The following GALNTL6 variants were observed in gnomAD, a reference collection of about 807,000 sequenced individuals.
GALNTL6 encodes polypeptide N-acetylgalactosaminyltransferase-like 6.
GALNTL6 carries 46 observed loss-of-function variants against 73.7 expected under a neutral mutation model. The ratio of observed to expected loss-of-function variants is 0.62; its 90% CI spans 0.49 to 0.80. The LOEUF (loss-of-function observed/expected upper bound fraction) is 0.80, where lower values mean the gene tolerates loss of function less well. GALNTL6 is among the 30% of genes least tolerant of loss of function. GALNTL6 has a pLI of 0.00. For missense variants in GALNTL6, 604 were observed against 755.0 expected (o/e 0.80, Z 2.34); for synonymous variants, 259 against 263.7 (o/e 0.98, Z 0.17).
intron 5 of GALNTL6, among the ~76,000 whole-genome samples, chr4:172,461,962 C>T (rs1172912108): frequency 6.6e-6 from 1 of 152,092 alleles, no homozygotes; most frequent in Non-Finnish European, 1.5e-5. Flanking sequence ...GACTGGGCAG[C>T]ATCCAATATG....
intron 5 of GALNTL6, among the ~76,000 whole-genome samples, chr4:172,623,703 A>G (rs939405242): frequency 1.3e-5 from 2 of 152,108 alleles, no homozygotes; most frequent in African/African-American, 2.4e-5. Flanking sequence ...CTGACATTCT[A>G]CCATGGCCAG....
intron 2 of GALNTL6, among the ~76,000 whole-genome samples, chr4:171,857,339 T>C (rs1735719774): frequency 6.6e-6 from 1 of 152,130 alleles, no homozygotes; most frequent in East Asian, 1.9e-4. Context: ...AACAATGCAC[T>C]ATTAGAAGGG....
intron 2 of GALNTL6, among the ~76,000 whole-genome samples, chr4:172,100,827 C>T (rs1278675415): frequency 2.0e-5 from 3 of 152,018 alleles, no homozygotes; most frequent in African/African-American, 7.2e-5. Context: ...TCTCAATGAC[C>T]CAAAGACTCC....
intron 5 of GALNTL6, among the ~76,000 whole-genome samples, chr4:172,751,643 C>T (rs573519181): frequency 6.6e-6 from 1 of 152,186 alleles, no homozygotes; most frequent in Non-Finnish European, 1.5e-5. Flanking sequence ...TAGGCTGGAT[C>T]CTCATTTTCA....
chr4:172,707,750 G>A (rs1322909881), intron 5 of GALNTL6, among the ~76,000 whole-genome samples: 3 of 152,032 alleles, frequency 2.0e-5, no homozygotes, highest in African/African-American at 7.2e-5. Context: ...TAGCCAACAA[G>A]CAGAGTAATT....
intron 7 of GALNTL6, among the ~76,000 whole-genome samples, chr4:172,858,430 T>C (rs1253639279): frequency 6.6e-6 from 1 of 152,096 alleles, no homozygotes; most frequent in Non-Finnish European, 1.5e-5. Context: ...TTATTTTCAA[T>C]AGGGAAGTCA....
chr4:172,800,710 A>C (rs1344378112), intron 5 of GALNTL6, among the ~76,000 whole-genome samples: 1 of 152,286 alleles, frequency 6.6e-6, no homozygotes, highest in African/African-American at 2.4e-5. Flanking sequence ...CATTGTTATG[A>C]AAATTGATTG....
chr4:172,871,599 T>G (rs201554494), intron 7 of GALNTL6, among the ~76,000 whole-genome samples: 322 of 113,318 alleles, frequency 2.8e-3, no homozygotes, highest in Admixed American at 4.6e-3. Flanking sequence ...GGGGGGGGTG[T>G]GTGTGTGTGA....
At chr4:172,039,678 T>C (rs77648648) in intron 2 of GALNTL6, among the ~76,000 whole-genome samples, 15,176 of 152,104 alleles carry the variant, frequency 0.1, 923 homozygotes, top group Non-Finnish European at 0.14. Context: ...CAGTCAAAAG[T>C]GCAGAAGAAA....
At chr4:172,980,396 T>A (rs143441669) in intron 10 of GALNTL6, among the ~76,000 whole-genome samples, 1 of 152,320 alleles carries the variant, frequency 6.6e-6, no homozygotes, top group Non-Finnish European at 1.5e-5. Flanking sequence ...TTTTTTATCA[T>A]CACAGCCTGA....
chr4:172,856,872 G>C (rs931744385), intron 7 of GALNTL6, among the ~76,000 whole-genome samples: 2 of 152,132 alleles, frequency 1.3e-5, no homozygotes, highest in African/African-American at 4.8e-5. Flanking sequence ...TTACAGTTAA[G>C]TGCCTGACTC....
At chr4:172,912,487 G>A (rs574515606) in intron 8 of GALNTL6, among the ~76,000 whole-genome samples, 90 of 152,262 alleles carry the variant, frequency 5.9e-4, no homozygotes, top group Middle Eastern at 3.4e-3. Context: ...CATGACAGAC[G>A]GTACCTGCAA....
chr4:172,155,585 C>T (rs1734230312), intron 2 of GALNTL6, among the ~76,000 whole-genome samples: 1 of 152,156 alleles, frequency 6.6e-6, no homozygotes. Flanking sequence ...TTTAATGCCA[C>T]TAGCTTAAAA....
At chr4:172,194,823 TAC>T (rs1266472087) in intron 2 of GALNTL6, among the ~76,000 whole-genome samples, 13 of 152,152 alleles carry the variant, frequency 8.5e-5, no homozygotes, top group Non-Finnish European at 1.6e-4. Context: ...GAAAAACTGT[TAC>T]TAGCCACTAC....
intron 2 of GALNTL6, among the ~76,000 whole-genome samples, chr4:172,011,461 C>T (rs1741004182): frequency 6.6e-6 from 1 of 151,970 alleles, no homozygotes; most frequent in Non-Finnish European, 1.5e-5. Flanking sequence ...AATGCAAGAA[C>T]CTTTAGAAAG....
chr4:172,596,318 G>A (rs766591560), intron 5 of GALNTL6, among the ~76,000 whole-genome samples: 13 of 152,072 alleles, frequency 8.5e-5, no homozygotes, highest in Admixed American at 2.6e-4. Flanking sequence ...TTAGCTAGGC[G>A]TGGTGGCCTG....
rs115764321 is a variant in GALNTL6 at position 172,374,665 on chromosome 4, G to T, written c.553+25976G>T. On this transcript the variant is annotated intron_variant, in intron 5 of 12. Transcript: ENST00000506823. The stretch of plus-strand genomic sequence containing the variant: ...TGTGATCTGAGTCGAGGTCTTAGTG[G>T]GGATCCATACTGGGGATGGCTTGTT... Among the ~76,000 whole-genome samples, 1,245 of 152,220 alleles carry T rather than the reference G, an allele frequency of 8.2e-3. 15 individuals carry two copies. The highest frequency in any genetic ancestry group is 0.028 in the African/African-American group (1,173 of 41,530).
chr4:172,548,291 G>C (rs1173858288), intron 5 of GALNTL6, among the ~76,000 whole-genome samples: 1 of 152,120 alleles, frequency 6.6e-6, no homozygotes, highest in African/African-American at 2.4e-5. Context: ...ATAACATTCT[G>C]CAAGACCTTC....
intron 5 of GALNTL6, among the ~76,000 whole-genome samples, chr4:172,808,028 G>A (rs772851772): frequency 2.6e-5 from 4 of 152,028 alleles, no homozygotes; most frequent in Non-Finnish European, 5.9e-5. Context: ...TCACCATGTC[G>A]GTCAGGCTGG....
Sources: allele counts gnomAD v4.1 joint callset (sites outside exome capture counted in the v4.1 genomes callset), GRCh38; gene constraint gnomAD v4.1.1; transcripts MANE v1.5; gene names NCBI Gene and HGNC (gene_info 2026-07-23, HGNC 2026-07-21).